The following SGCD variants were observed in gnomAD, a reference collection of about 807,000 sequenced individuals.
The protein encoded by SGCD is sarcoglycan delta.
Under a neutral mutation model 36.6 loss-of-function variants are expected in SGCD, and 18 were observed. The ratio of observed to expected loss-of-function variants is 0.49; its 90% confidence interval spans 0.34 to 0.73. The LOEUF (loss-of-function observed/expected upper bound fraction) is 0.73. Ranked by LOEUF, SGCD falls within the 30% of genes least tolerant of loss-of-function variation. The pLI is 0.01. For synonymous variants in SGCD, 133 were observed against 130.6 expected (o/e 1.02, Z -0.12); for missense variants, 387 against 346.7 (o/e 1.12, Z -0.92).
chr5:156,547,940 G>A (rs1758646426), intron 4 of SGCD, among the ~76,000 whole-genome samples: 1 of 152,082 alleles, frequency 6.6e-6, no homozygotes, highest in Admixed American at 6.5e-5. Context: ...CAAACTCCAG[G>A]TTTCATTGAT....
At chr5:156,218,819 T>A (rs78831599) in intron 3 of SGCD, among the ~76,000 whole-genome samples, 28 of 152,294 alleles carry the variant, frequency 1.8e-4, no homozygotes, top group Middle Eastern at 6.8e-3. Flanking sequence ...TTATTTTTAC[T>A]GTTTTCATGT....
upstream of SGCD, among the ~76,000 whole-genome samples, chr5:156,321,956 A>G (rs75817468): frequency 0.14 from 20,885 of 152,110 alleles, 1,904 homozygotes; most frequent in Middle Eastern, 0.23. Flanking sequence ...TGCTGTAACC[A>G]TAAGGGTCCC....
chr5:155,873,879 T>C (rs1358221591), intron 1 of SGCD, among the ~76,000 whole-genome samples: 1 of 152,194 alleles, frequency 6.6e-6, no homozygotes, highest in Non-Finnish European at 1.5e-5. Flanking sequence ...CAGTTTTAAA[T>C]ACCATCTCAG....
At chr5:156,416,810 C>A (rs1773066015) in intron 3 of SGCD, among the ~76,000 whole-genome samples, 1 of 152,180 alleles carries the variant, frequency 6.6e-6, no homozygotes, top group African/African-American at 2.4e-5. Flanking sequence ...GGCAAATTTG[C>A]AATGCTATCT....
chr5:155,829,723 A>G, the SGCD span, among the ~76,000 whole-genome samples: 1,115 of 152,288 alleles, frequency 7.3e-3, 12 homozygotes, highest in African/African-American at 0.023. Context: ...TCCATTGATC[A>G]TTGTGTTCCC....
intron 3 of SGCD, among the ~76,000 whole-genome samples, chr5:156,454,908 A>C (rs1487002881): frequency 6.6e-6 from 1 of 152,012 alleles, no homozygotes; most frequent in Non-Finnish European, 1.5e-5. Context: ...ACTCCACTGG[A>C]AGTCCTCATA....
At chr5:156,120,168 G>A (rs1762002154) in intron 2 of SGCD, among the ~76,000 whole-genome samples, 1 of 152,094 alleles carries the variant, frequency 6.6e-6, no homozygotes, top group East Asian at 1.9e-4. Flanking sequence ...GTGCCATGTG[G>A]CATCTTGTTA....
In SGCD at chr5:156,443,990, A is replaced by G. The variant is rs184852634; in HGVS notation, c.193-64611A>G. Among the ~76,000 whole-genome samples the G allele has an allele frequency of 1.3e-3, 204 of 151,340 alleles. 1 individual carries two copies. Among genetic ancestry groups the G allele is most frequent in the African/African-American group, 4.8e-3 (199 of 41,186 alleles). On this transcript the variant is annotated intron_variant, in intron 3 of 8. Transcript: ENST00000337851. ...AATTCTTTGAAATTTTCTGCATCCTAATGACCCACCTAAACAAAACAGATA... is the reference window on the plus strand; with the variant it reads ...AATTCTTTGAAATTTTCTGCATCCTGATGACCCACCTAAACAAAACAGATA...
intron 6 of SGCD, among the ~76,000 whole-genome samples, chr5:156,619,842 T>A: frequency 6.6e-6 from 1 of 152,220 alleles, no homozygotes; most frequent in East Asian, 1.9e-4. Context: ...TCTCTTACGC[T>A]CCTTATGCTT....
intron 3 of SGCD, among the ~76,000 whole-genome samples, chr5:156,266,243 C>T (rs896067366): frequency 3.9e-5 from 6 of 152,250 alleles, no homozygotes; most frequent in Admixed American, 6.5e-5. Context: ...ATGTGGCTTA[C>T]GCCAAAAATG....
intron 7 of SGCD, among the ~76,000 whole-genome samples, chr5:156,669,099 A>G (rs1167468233): frequency 6.6e-6 from 1 of 152,142 alleles, no homozygotes; most frequent in Non-Finnish European, 1.5e-5. Context: ...GAAGGCCTCT[A>G]GAGAGACATC....
upstream of SGCD, among the ~76,000 whole-genome samples, chr5:155,869,722 C>T (rs139737268): frequency 1.5e-3 from 225 of 152,044 alleles, no homozygotes; most frequent in Middle Eastern, 6.8e-3. Context: ...TCCTGCGGGC[C>T]GGGCATGGTG....
intron 3 of SGCD, among the ~76,000 whole-genome samples, chr5:156,366,370 G>A (rs1196594304): frequency 6.6e-6 from 1 of 152,126 alleles, no homozygotes; most frequent in Non-Finnish European, 1.5e-5. Context: ...TGGCAAGAGT[G>A]GAAATTTGGA....
chr5:156,624,309 C>T (rs543357698), intron 6 of SGCD, among the ~76,000 whole-genome samples: 36 of 152,256 alleles, frequency 2.4e-4, no homozygotes, highest in African/African-American at 7.9e-4. Context: ...GGGCCAGGCG[C>T]GGTGGCTCAT....
At chr5:155,805,338 A>G in the SGCD span, among the ~76,000 whole-genome samples, 3 of 152,324 alleles carry the variant, frequency 2.0e-5, no homozygotes, top group East Asian at 5.8e-4. Context: ...GCAGTCTGGA[A>G]AATTAGGGAT....
chr5:156,296,428 TAGA>T lies in SGCD; in HGVS notation c.-43-33102_-43-33100del, dbSNP rs529170208. ...TCACTACATAAATTTAGGTTGTCAATAGAAGATCTTTCTTATTTTCTAATATAG... is the reference window on the plus strand; with the variant it reads ...TCACTACATAAATTTAGGTTGTCAATAGATCTTTCTTATTTTCTAATATAG... On this transcript the variant is annotated intron_variant, in intron 3 of 9. Transcript: ENST00000517913. Among the ~76,000 whole-genome samples the T allele has an allele frequency of 2.0e-3, 302 of 152,336 alleles. 1 individual carries two copies. Among genetic ancestry groups the T allele is most frequent in the African/African-American group, 6.7e-3 (280 of 41,580 alleles).
At chr5:156,409,505 G>A (rs564674432) in intron 3 of SGCD, among the ~76,000 whole-genome samples, 8 of 152,176 alleles carry the variant, frequency 5.3e-5, no homozygotes, top group South Asian at 2.1e-4. Flanking sequence ...CCCCGGGCCC[G>A]GCTGGGCCCT....
intron 3 of SGCD, among the ~76,000 whole-genome samples, chr5:156,309,933 G>A (rs13158762): frequency 0.41 from 62,287 of 151,794 alleles, 13,653 homozygotes; most frequent in East Asian, 0.83. Flanking sequence ...ATTGTATGTC[G>A]TATAATTTTT....
the SGCD span, among the ~76,000 whole-genome samples, chr5:155,865,267 A>G: frequency 7.4e-6 from 1 of 135,108 alleles, no homozygotes; most frequent in Non-Finnish European, 1.7e-5. Context: ...ACTATAATTT[A>G]TACATTTTTT....
Sources: allele counts gnomAD v4.1 joint callset (sites outside exome capture counted in the v4.1 genomes callset), GRCh38; gene constraint gnomAD v4.1.1; transcripts MANE v1.5; gene names NCBI Gene and HGNC (gene_info 2026-07-23, HGNC 2026-07-21).